COPG2: variants seen among roughly 807,000 people sequenced by gnomAD.
The protein encoded by COPG2 is coatomer subunit gamma-2.
In COPG2, 37 loss-of-function variants were observed where a neutral mutation model predicts 46.3. That is an observed-to-expected ratio of 0.80 (90% CI 0.61 to 1.05). COPG2 has a LOEUF of 1.05. COPG2 is among the 50% of genes least tolerant of loss of function. COPG2 has a pLI of 0.00. For synonymous variants in COPG2, 159 were observed against 129.7 expected (o/e 1.23, Z -1.53); for missense variants, 427 against 387.8 (o/e 1.10, Z -0.85).
intron 5 of COPG2, among the ~76,000 whole-genome samples, chr7:130,628,570 C>G (rs1795163289): frequency 6.6e-6 from 1 of 152,082 alleles, no homozygotes; most frequent in East Asian, 1.9e-4. Flanking sequence ...CAGCTATTGT[C>G]CAGAATAATT....
intron 5 of COPG2, chr7:130,645,281 C>A (rs1554457981): frequency 1.6e-6 from 1 of 629,578 alleles, no homozygotes; most frequent in Non-Finnish European, 3.1e-6. Flanking sequence ...TGGGGGGCCA[C>A]AAAATACTCC....
rs2116429816 is a variant in COPG2 at position 130,577,611 on chromosome 7, A to G, written c.738-13218T>C. On this transcript the variant is annotated intron_variant, in intron 9 of 23. Coordinates refer to ENST00000425248, the MANE Select transcript of COPG2 (RefSeq NM_012133.6). Reference sequence around the variant, plus strand: ...CCCGTCTCTACTAAAAATACAAAAAATTAGCCGGGCGCGGTGGCGGGCGCC... The same window carrying G: ...CCCGTCTCTACTAAAAATACAAAAAGTTAGCCGGGCGCGGTGGCGGGCGCC... 2.0e-5 allele frequency among the ~76,000 whole-genome samples: 3 copies of G among 150,680 alleles called. No homozygotes were observed. The East Asian group carries it at 5.9e-4, about 30-fold the overall frequency.
chr7:130,647,302 G>A (rs532552230), intron 5 of COPG2, among the ~76,000 whole-genome samples: 1 of 152,202 alleles, frequency 6.6e-6, no homozygotes, highest in African/African-American at 2.4e-5. Flanking sequence ...CACCCATAGT[G>A]CTGGGATTAC....
intron 20 of COPG2, among the ~76,000 whole-genome samples, chr7:130,538,150 C>A (rs1196095367): frequency 1.3e-5 from 2 of 151,910 alleles, no homozygotes; most frequent in East Asian, 1.9e-4. Flanking sequence ...ATTGACCTGG[C>A]GGAGACAGGG....
intron 20 of COPG2, among the ~76,000 whole-genome samples, chr7:130,534,176 T>G (rs1799857284): frequency 6.6e-6 from 1 of 152,040 alleles, no homozygotes; most frequent in Non-Finnish European, 1.5e-5. Context: ...TTTTGCAAAT[T>G]GAGGCCCTTA....
intron 20 of COPG2, 149 bp from the exon 21 acceptor site, chr7:130,508,808 A>G (rs1799546894): frequency 1.6e-6 from 1 of 617,232 alleles, no homozygotes; most frequent in Non-Finnish European, 2.9e-6. Flanking sequence ...AAAGCAGCCT[A>G]CAAGCGGGTC....
intron 9 of COPG2, among the ~76,000 whole-genome samples, chr7:130,609,680 C>T (rs1205222525): frequency 3.9e-5 from 6 of 152,108 alleles, no homozygotes; most frequent in Admixed American, 3.9e-4. Flanking sequence ...ATGTTCTATT[C>T]TTTTATTTTC....
chr7:130,631,100 T>C (rs1027058991), intron 5 of COPG2, among the ~76,000 whole-genome samples: 1 of 152,156 alleles, frequency 6.6e-6, no homozygotes, highest in Non-Finnish European at 1.5e-5. Flanking sequence ...TATGGTTGGG[T>C]TGGAGTCTGT....
At chr7:130,639,550 T>C (rs1554456892) in intron 5 of COPG2, among the ~76,000 whole-genome samples, 1 of 152,200 alleles carries the variant, frequency 6.6e-6, no homozygotes, top group Non-Finnish European at 1.5e-5. Flanking sequence ...CCTGCATATT[T>C]TGATTATGTC....
rs1429458329 is a variant in COPG2, at chr7:130,554,551, C to T, written c.1398G>A (p.Thr466=). 2.0e-5 allele frequency: 8 copies of T among 398,482 alleles called. No homozygotes were observed. Among genetic ancestry groups the T allele is most frequent in the African/African-American group, 4.1e-5 (2 of 48,606 alleles). The allele number at this position is 398,482 out of a possible 1,614,324, so 24.7% of individuals were successfully genotyped here. ...AACGGATATATTTGGAGGGGACAGG[C>T]GTTCTAGGGCCCTCTTTGCCCAACA... The part of the protein sequence containing the change: ...LHLLGKEGPR[T]PVPSKYIRFI... The change falls in exon 14 of 24, where the codon ACG becomes ACA. Residue 466 remains threonine (T), a synonymous_variant. Transcript: ENST00000425248.
chr7:130,574,951 G>T (rs782295025), intron 9 of COPG2, among the ~76,000 whole-genome samples: 12 of 151,990 alleles, frequency 7.9e-5, no homozygotes, highest in Non-Finnish European at 1.6e-4. Context: ...GTAGAAGAAA[G>T]AAATTCAGAG....
chr7:130,619,110 T>C (rs1209481200), intron 5 of COPG2, among the ~76,000 whole-genome samples: 1 of 152,196 alleles, frequency 6.6e-6, no homozygotes, highest in African/African-American at 2.4e-5. Flanking sequence ...CTATTTTTAG[T>C]ACTTTCTTTG....
chr7:130,552,180 T>A (rs1455379128), intron 15 of COPG2, among the ~76,000 whole-genome samples, 175 bp downstream of exon 15: 1 of 152,168 alleles, frequency 6.6e-6, no homozygotes, highest in Non-Finnish European at 1.5e-5. Context: ...TCAAATTGAT[T>A]GGGAGGTATA....
intron 15 of COPG2, 115 bp from the exon 16 acceptor site, chr7:130,551,459 G>T: frequency 5.1e-6 from 2 of 392,664 alleles, no homozygotes; most frequent in East Asian, 7.2e-5. Context: ...CTTTAAAAAA[G>T]TGCTCAACAA....
chr7:130,587,199 C>G (rs550559589), intron 9 of COPG2, among the ~76,000 whole-genome samples: 2 of 151,748 alleles, frequency 1.3e-5, no homozygotes, highest in South Asian at 2.1e-4. Flanking sequence ...CCCAGCTACC[C>G]GGGAGGCTAA....
intron 5 of COPG2, among the ~76,000 whole-genome samples, chr7:130,647,081 C>G (rs1259144374): frequency 6.6e-6 from 1 of 151,058 alleles, no homozygotes; most frequent in Non-Finnish European, 1.5e-5. Flanking sequence ...CGCTCTGTCA[C>G]CCAGGCTGGA....
At position 130,612,206 on chromosome 7, in the gene COPG2, C is replaced by CTT. The variant is rs1563059214; in HGVS notation, c.523_524dup (p.Arg176SerfsTer41). 6.2e-7 allele frequency: 1 copy of CTT among 1,609,326 alleles called. No individual in the cohort carries two copies. Among genetic ancestry groups the CTT allele is most frequent in the South Asian group, 1.1e-5 (1 of 90,388 alleles). ...CTTCTTGGGCTTCATTGATCCAGCG[C>CTT]TTAACCACATCATAGCTTATCTTCA... is the stretch of plus-strand genomic sequence containing the variant. On this transcript the variant is annotated frameshift_variant, in exon 8 of 24. Coordinates refer to ENST00000425248, the MANE Select transcript of COPG2 (RefSeq NM_012133.6). LOFTEE classifies it high-confidence loss of function.
intron 9 of COPG2, among the ~76,000 whole-genome samples, chr7:130,585,180 G>C (rs1053967050): frequency 2.0e-5 from 3 of 151,974 alleles, no homozygotes; most frequent in Admixed American, 6.6e-5. Flanking sequence ...ACAGCCAACT[G>C]ATCTTTGACA....
At chr7:130,532,082 G>A (rs998507755) in intron 20 of COPG2, among the ~76,000 whole-genome samples, 4 of 152,216 alleles carry the variant, frequency 2.6e-5, no homozygotes, top group Middle Eastern at 3.2e-3. Context: ...GGAGAGCCGG[G>A]CAGACATGTA....
Sources: gnomAD v4.1 joint callset for allele counts (sites outside exome capture counted in the v4.1 genomes callset) on GRCh38, gnomAD v4.1.1 for gene constraint, MANE v1.5 for transcripts, NCBI Gene and HGNC (gene_info 2026-07-23, HGNC 2026-07-21) for gene names.